Variants in PLLP observed in about 807,000 individuals in gnomAD.
The protein encoded by PLLP is plasmolipin, also known as plasma membrane proteolipid (plasmolipin).
A neutral mutation model predicts 19.7 loss-of-function variants in PLLP; 15 were observed. That is an observed-to-expected ratio of 0.76 (90% CI 0.51 to 1.17). The LOEUF (loss-of-function observed/expected upper bound fraction) is 1.17, where lower values mean the gene tolerates loss of function less well. PLLP is among the 50% of genes most tolerant of loss of function. The pLI, the probability that PLLP is intolerant of heterozygous loss-of-function variation, is 0.00. For missense variants in PLLP, 255 were observed against 258.3 expected (o/e 0.99, Z 0.09); for synonymous variants, 111 against 116.3 (o/e 0.95, Z 0.29).
chr16:57,259,388 C>G (rs571906711), intron 2 of PLLP, among the ~76,000 whole-genome samples: 1 of 152,300 alleles, frequency 6.6e-6, no homozygotes, highest in Admixed American at 6.5e-5. Context: ...ATTTTTGTCT[C>G]CCTCTTGGCC....
chr16:57,266,957 AC>A (rs2075459610), intron 1 of PLLP, among the ~76,000 whole-genome samples: 1 of 150,878 alleles, frequency 6.6e-6, no homozygotes, highest in Non-Finnish European at 1.5e-5. Flanking sequence ...GTCAAAAACG[AC>A]CTTTGCATCT....
intron 1 of PLLP, among the ~76,000 whole-genome samples, chr16:57,269,023 T>C (rs2075466110): frequency 6.6e-6 from 1 of 152,104 alleles, no homozygotes; most frequent in South Asian, 2.1e-4. Flanking sequence ...GATAAGGCGG[T>C]GGTGCTCCCA....
At chr16:57,272,693 T>C (rs1901088827) in intron 1 of PLLP, among the ~76,000 whole-genome samples, 1 of 152,182 alleles carries the variant, frequency 6.6e-6, no homozygotes, top group South Asian at 2.1e-4. Flanking sequence ...GGCTCATACC[T>C]GCAATCCCAG....
At chr16:57,267,321 C>A (rs767127551) in intron 1 of PLLP, among the ~76,000 whole-genome samples, 1 of 152,236 alleles carries the variant, frequency 6.6e-6, no homozygotes, top group Non-Finnish European at 1.5e-5. Context: ...GTATTCCCAG[C>A]ACTTTGGGAG....
At chr16:57,260,758 G>A (rs1244540471) in intron 2 of PLLP, among the ~76,000 whole-genome samples, 7 of 152,072 alleles carry the variant, frequency 4.6e-5, no homozygotes, top group African/African-American at 1.4e-4. Context: ...TCTCAGCCCT[G>A]TGTCCTGGGG....
At chr16:57,264,945 CT>C (rs2075452568) in intron 1 of PLLP, among the ~76,000 whole-genome samples, 1 of 152,256 alleles carries the variant, frequency 6.6e-6, no homozygotes, top group Non-Finnish European at 1.5e-5. Context: ...TGAACTGCCC[CT>C]GGCCTTGCCT....
chr16:57,260,074 CGATGGGCA>C (rs2075437748), intron 2 of PLLP, among the ~76,000 whole-genome samples: 1 of 152,044 alleles, frequency 6.6e-6, no homozygotes, highest in African/African-American at 2.4e-5. Context: ...AGGCAGCTTG[CGATGGGCA>C]GATGGATGCT....
intron 1 of PLLP, among the ~76,000 whole-genome samples, chr16:57,269,282 G>A (rs11640439): frequency 0.091 from 13,851 of 152,166 alleles, 839 homozygotes; most frequent in South Asian, 0.3. Context: ...ATGCAAAGAT[G>A]GTCACCCCAA....
At chr16:57,268,969 C>G (rs1313257073) in intron 1 of PLLP, among the ~76,000 whole-genome samples, 1 of 152,188 alleles carries the variant, frequency 6.6e-6, no homozygotes, top group Non-Finnish European at 1.5e-5. Context: ...ACAGCCCAGG[C>G]AGAGATAAGG....
At chr16:57,270,668 G>A (rs768152651) in intron 1 of PLLP, among the ~76,000 whole-genome samples, 16 of 152,054 alleles carry the variant, frequency 1.1e-4, no homozygotes, top group Admixed American at 2.0e-4. Flanking sequence ...CAGAGGCTCC[G>A]GGCGCCTAAG....
At chr16:57,280,532 G>A (rs1901206961) in intron 1 of PLLP, among the ~76,000 whole-genome samples, 1 of 151,964 alleles carries the variant, frequency 6.6e-6, no homozygotes, top group African/African-American at 2.4e-5. Context: ...GATCAAACTT[G>A]CCTGCCTTGT....
At chr16:57,263,036 C>A (rs887046115) in intron 1 of PLLP, among the ~76,000 whole-genome samples, 36 of 152,184 alleles carry the variant, frequency 2.4e-4, no homozygotes, top group African/African-American at 8.4e-4. Flanking sequence ...TAGGCCCTGC[C>A]AGGGGCTCAG....
chr16:57,271,106 G>A (rs1173978291), intron 1 of PLLP, among the ~76,000 whole-genome samples: 3 of 152,152 alleles, frequency 2.0e-5, no homozygotes, highest in Admixed American at 6.5e-5. Context: ...CCTCCAAGGC[G>A]TTCATTGTAT....
At chr16:57,281,447 T>C (rs1241961023) in intron 1 of PLLP, among the ~76,000 whole-genome samples, 3 of 151,978 alleles carry the variant, frequency 2.0e-5, no homozygotes, top group Non-Finnish European at 2.9e-5. Flanking sequence ...TCAGACCCAG[T>C]GGAACTACCT....
At chr16:57,273,582 C>T (rs1597963968) in intron 1 of PLLP, among the ~76,000 whole-genome samples, 3 of 152,214 alleles carry the variant, frequency 2.0e-5, no homozygotes, top group South Asian at 2.1e-4. Context: ...GCCCACTGGG[C>T]TGCCAAGAAA....
intron 1 of PLLP, among the ~76,000 whole-genome samples, chr16:57,273,930 G>A (rs1185710343): frequency 2.0e-5 from 3 of 152,132 alleles, no homozygotes; most frequent in Non-Finnish European, 4.4e-5. Flanking sequence ...TTCTCTCTCT[G>A]GGCCTGAGGA....
rs1051803448 is a variant in PLLP, at chr16:57,256,210, A to C, written c.*703T>G. On this transcript the variant is annotated 3_prime_UTR_variant, in exon 4 of 4. Coordinates refer to ENST00000219207, the MANE Select transcript of PLLP (RefSeq NM_015993.3). ...TCCCTCCTTTGCGTCCCATGTGCCT[A>C]GTCAGCAAGGTCGGGGAGGCACCGA... 2 of 395,490 alleles carry C rather than the reference A, an allele frequency of 5.1e-6. No homozygotes were observed. The highest frequency in any genetic ancestry group is 4.1e-5 in the African/African-American group (2 of 48,596). 24.5% of individuals were successfully genotyped at this position (395,490 alleles called of 1,614,324 possible).
rs35649216 is a variant in PLLP at position 57,284,478 on chromosome 16, G to A, written c.63C>T (p.Ala21=). 3,815 of 1,440,088 alleles carry A rather than the reference G, an allele frequency of 2.6e-3. 86 individuals are homozygous for A. The African/African-American group carries it at 0.051, about 19-fold the overall frequency. The allele number at this position is 1,440,088 out of a possible 1,614,324, so 89.2% of individuals were successfully genotyped here. The change falls in exon 1 of 4, where the codon GCC becomes GCT. Residue 21 remains alanine (A), a synonymous_variant. Coordinates refer to ENST00000219207, the MANE Select transcript of PLLP (RefSeq NM_015993.3). The part of the protein sequence containing the change: ...RTSSPAQGAE[A]SVSALRPDLG... ...GGTCCGGGCGCAGCGCCGACACCGAGGCTTCGGCGCCCTGCGCAGGACTGC... is the reference window on the plus strand; with the variant it reads ...GGTCCGGGCGCAGCGCCGACACCGAAGCTTCGGCGCCCTGCGCAGGACTGC...
chr16:57,271,064 G>A (rs755374492), intron 1 of PLLP, among the ~76,000 whole-genome samples: 4 of 152,172 alleles, frequency 2.6e-5, no homozygotes, highest in East Asian at 3.9e-4. Context: ...GCAGGAGGAC[G>A]ATGCTGGAGG....
Sources: allele counts gnomAD v4.1 joint callset (sites outside exome capture counted in the v4.1 genomes callset), GRCh38; gene constraint gnomAD v4.1.1; transcripts MANE v1.5; gene names NCBI Gene and HGNC (gene_info 2026-07-23, HGNC 2026-07-21).